Variants in TMOD2 observed in about 807,000 individuals in gnomAD.
TMOD2 encodes tropomodulin 2, also known as tropomodulin-2.
TMOD2 carries 22 observed loss-of-function variants against 39.9 expected under a neutral mutation model. The ratio of observed to expected loss-of-function variants is 0.55; its 90% CI spans 0.39 to 0.79. The LOEUF (loss-of-function observed/expected upper bound fraction) is 0.79, where lower values mean the gene tolerates loss of function less well. TMOD2 is among the 30% of genes least tolerant of loss of function. The pLI is 0.00. For missense variants in TMOD2, 386 were observed against 413.3 expected (o/e 0.93, Z 0.57); for synonymous variants, 123 against 146.1 (o/e 0.84, Z 1.14).
At chr15:51,797,604 G>C (rs1003568029) in intron 7 of TMOD2, among the ~76,000 whole-genome samples, 2 of 152,156 alleles carry the variant, frequency 1.3e-5, no homozygotes, top group East Asian at 3.9e-4. Flanking sequence ...GGAAACTCTG[G>C]GAGTAAAGAG....
At chr15:51,777,538 C>G (rs1449424349) in intron 5 of TMOD2, among the ~76,000 whole-genome samples, 1 of 152,210 alleles carries the variant, frequency 6.6e-6, no homozygotes, top group African/African-American at 2.4e-5. Context: ...ACATTCCACA[C>G]CACTATCTTC....
intron 7 of TMOD2, among the ~76,000 whole-genome samples, chr15:51,797,993 T>G (rs139312145): frequency 1.3e-5 from 2 of 152,208 alleles, no homozygotes; most frequent in East Asian, 1.9e-4. Flanking sequence ...TATGTGAAAT[T>G]TATGTCTAGA....
At chr15:51,769,837 C>G (rs901810403) in intron 3 of TMOD2, among the ~76,000 whole-genome samples, 6 of 152,136 alleles carry the variant, frequency 3.9e-5, no homozygotes, top group African/African-American at 1.4e-4. Context: ...GAGTTCAAGA[C>G]CAGCCTGGGA....
chr15:51,777,488 G>A (rs1430125137), intron 5 of TMOD2, among the ~76,000 whole-genome samples: 1 of 152,100 alleles, frequency 6.6e-6, no homozygotes, highest in Non-Finnish European at 1.5e-5. Context: ...TTCCCTCAGA[G>A]GGCATGAAAG....
chr15:51,814,616 T>C lies in TMOD2; in HGVS notation c.*6162T>C, dbSNP rs1364581781. ...CAGAGTTATGCTCCATTTGCCACCA[T>C]GTGATATTTTTGAGAAACAATAGTG... On this transcript the variant is annotated 3_prime_UTR_variant, in exon 10 of 10. Coordinates refer to ENST00000249700, the MANE Select transcript of TMOD2 (RefSeq NM_014548.4). The C allele has an allele frequency of 6.6e-6, 1 of 152,224 alleles. No homozygotes were observed. Among genetic ancestry groups the C allele is most frequent in the Non-Finnish European group, 1.5e-5 (1 of 68,056 alleles). The allele number at this position is 152,224 out of a possible 1,614,324, so 9.4% of individuals were successfully genotyped here.
intron 7 of TMOD2, among the ~76,000 whole-genome samples, chr15:51,789,212 G>T (rs918360082): frequency 6.6e-6 from 1 of 152,132 alleles, no homozygotes; most frequent in South Asian, 2.1e-4. Context: ...TTGCAATCCT[G>T]GTCTCTGATA....
Position 51,756,320 on chromosome 15 carries a change from T to G in TMOD2, c.-70+4608T>G, listed in dbSNP as rs569847914. On this transcript the variant is annotated intron_variant, in intron 1 of 9. Coordinates refer to ENST00000249700, the MANE Select transcript of TMOD2 (RefSeq NM_014548.4). ...CCTCTTTATATTCAGCAGATCTTGATGGGGAAAACAGAGGGAAAGAACACC... is the reference window on the plus strand; with the variant it reads ...CCTCTTTATATTCAGCAGATCTTGAGGGGGAAAACAGAGGGAAAGAACACC... 3 of 152,274 alleles carry G rather than the reference T, an allele frequency of 2.0e-5. No homozygotes were observed. In the East Asian group the frequency reaches 5.8e-4, roughly 29 times the overall value. 9.4% of individuals were successfully genotyped at this position (152,274 alleles called of 1,614,324 possible).
intron 7 of TMOD2, among the ~76,000 whole-genome samples, chr15:51,788,546 A>G (rs1313993425): frequency 6.6e-6 from 1 of 152,250 alleles, no homozygotes; most frequent in Admixed American, 6.5e-5. Flanking sequence ...CTCCTCGAGA[A>G]GAGCAACCCC....
At chr15:51,806,164 C>G (rs2056120043) in intron 8 of TMOD2, among the ~76,000 whole-genome samples, 1 of 152,196 alleles carries the variant, frequency 6.6e-6, no homozygotes, top group South Asian at 2.1e-4. Flanking sequence ...CCAGCAAACT[C>G]AGCTATCTGT....
At chr15:51,779,131 A>G (rs148689364) in intron 5 of TMOD2, among the ~76,000 whole-genome samples, 34 of 151,952 alleles carry the variant, frequency 2.2e-4, no homozygotes, top group African/African-American at 8.0e-4. Context: ...AATTATTTTT[A>G]TTTTTATTTT....
intron 5 of TMOD2, 101 bp downstream of exon 5, chr15:51,777,119 A>G (rs1335666608): frequency 1.1e-5 from 11 of 961,764 alleles, no homozygotes; most frequent in Admixed American, 4.1e-5. Context: ...ACACTCTGTC[A>G]TTTTGCTAGG....
rs1175105768 is a variant in TMOD2 at position 51,815,509 on chromosome 15, A to G, written c.*7055A>G. 1 of 152,194 alleles carries G rather than the reference A, an allele frequency of 6.6e-6. No individual in the cohort carries two copies. The highest frequency in any genetic ancestry group is 1.5e-5 in the Non-Finnish European group (1 of 68,030). 9.4% of individuals were successfully genotyped at this position (152,194 alleles called of 1,614,324 possible). On this transcript the variant is annotated 3_prime_UTR_variant, in exon 10 of 10. Transcript: ENST00000249700. ...CCAAGATTTAAAACTTCCTGTGGGT[A>G]ATCTAACTGTGAGTAGATAGGAATC...
At chr15:51,755,493 A>G (rs934667367) in intron 1 of TMOD2, among the ~76,000 whole-genome samples, 16 of 152,212 alleles carry the variant, frequency 1.1e-4, no homozygotes, top group Non-Finnish European at 1.2e-4. Flanking sequence ...GCAGGAGCTC[A>G]CAAAATAGGG....
chr15:51,760,487 C>T (rs1272309690), intron 1 of TMOD2, among the ~76,000 whole-genome samples: 1 of 152,202 alleles, frequency 6.6e-6, no homozygotes, highest in Non-Finnish European at 1.5e-5. Context: ...CCCAGATCAT[C>T]CAAAATGGTC....
intron 9 of TMOD2, among the ~76,000 whole-genome samples, chr15:51,807,016 C>T (rs192828705): frequency 5.9e-4 from 90 of 152,320 alleles, no homozygotes; most frequent in Non-Finnish European, 1.1e-3. Context: ...TTCAGTTTTT[C>T]GTGTGGCCAC....
chr15:51,806,096 T>C (rs2056119625), intron 8 of TMOD2, among the ~76,000 whole-genome samples: 2 of 152,266 alleles, frequency 1.3e-5, no homozygotes. Flanking sequence ...TCATTTTAAT[T>C]CTGGAATTAT....
chr15:51,777,311 T>C (rs530600595), intron 5 of TMOD2, among the ~76,000 whole-genome samples: 1 of 152,334 alleles, frequency 6.6e-6, no homozygotes, highest in East Asian at 1.9e-4. Context: ...TCCATATTCA[T>C]GAAAAAAAAT....
chr15:51,795,156 C>G (rs1356493925), intron 7 of TMOD2, among the ~76,000 whole-genome samples: 1 of 152,132 alleles, frequency 6.6e-6, no homozygotes, highest in African/African-American at 2.4e-5. Flanking sequence ...TGCGGTGGCT[C>G]ACACCTGTAA....
intron 8 of TMOD2, among the ~76,000 whole-genome samples, chr15:51,799,476 G>A (rs1430871817): frequency 6.6e-6 from 1 of 152,074 alleles, no homozygotes; most frequent in African/African-American, 2.4e-5. Context: ...TTTCAGTGCA[G>A]GCCCTCTGGC....
Sources: gnomAD v4.1 joint callset for allele counts (sites outside exome capture counted in the v4.1 genomes callset) on GRCh38, gnomAD v4.1.1 for gene constraint, MANE v1.5 for transcripts, NCBI Gene and HGNC (gene_info 2026-07-23, HGNC 2026-07-21) for gene names.